CROCC2: variants seen among roughly 807,000 people sequenced by gnomAD.
The protein encoded by CROCC2 is ciliary rootlet coiled-coil protein 2.
In CROCC2, 163 loss-of-function variants were observed where a neutral mutation model predicts 177.6. That is an observed-to-expected ratio of 0.92 (90% confidence interval 0.81 to 1.05). The LOEUF is 1.05. Ranked by LOEUF, CROCC2 falls within the 50% of genes least tolerant of loss-of-function variation. The pLI is 0.00. For synonymous variants in CROCC2, 904 were observed against 787.3 expected (o/e 1.15, Z -2.48); for missense variants, 1,929 against 1,797.8 (o/e 1.07, Z -1.32).
chr2:240,926,104 G>A (rs948527097), intron 5 of CROCC2, among the ~76,000 whole-genome samples: 5 of 152,204 alleles, frequency 3.3e-5, no homozygotes, highest in African/African-American at 4.8e-5. Flanking sequence ...ACCCGGAGAA[G>A]GAGGGCAGGG....
At chr2:240,957,869 T>A (rs2106474599) in intron 19 of CROCC2, 1 of 611,554 alleles carries the variant, frequency 1.6e-6, no homozygotes. Flanking sequence ...TCCCGACCAC[T>A]GGCCCAGCAG....
In CROCC2 at chr2:240,965,440, G is replaced by C. The variant is rs960259049; in HGVS notation, c.3525G>C (p.Ala1175=). ...GTGGAGAGGCCCATGAGCTGCAGGC[G>C]CAGTGCTCGCAGGAGGTGCTGGAGC... The part of the protein sequence containing the change: ...RRSGEAHELQ[A]QCSQEVLELR... Residue 1175 remains alanine (A), a synonymous_variant, in exon 23 of 32, where the codon GCG becomes GCC. Coordinates refer to ENST00000690015, the MANE Select transcript of CROCC2 (RefSeq NM_001351305.2). The C allele has an allele frequency of 1.3e-6, 2 of 1,549,880 alleles. No individual in the cohort carries two copies. The highest frequency in any genetic ancestry group is 1.2e-5 in the South Asian group (1 of 84,018).
In CROCC2 at chr2:240,989,723, G is replaced by A. The variant is rs2059864646; in HGVS notation, c.4753G>A (p.Asp1585Asn). ...LQDLTAQHQR[D>N]LATEAERLHG... Reference sequence around the variant, plus strand: ...GGACCTGACAGCTCAGCACCAGCGGGACCTGGCCACAGAGGCAGAGCGTCT... The same window carrying A: ...GGACCTGACAGCTCAGCACCAGCGGAACCTGGCCACAGAGGCAGAGCGTCT... Residue 1585 changes from aspartate (D) to asparagine (N), a missense_variant, in exon 30 of 32, where the codon GAC becomes AAC. This residue lies in a region of CROCC2 where 388 missense variants were observed against 352.7 expected (regional missense o/e 1.10). Transcript: ENST00000690015. The A allele has an allele frequency of 1.9e-6, 3 of 1,550,438 alleles. No homozygotes were observed. The highest frequency in any genetic ancestry group is 1.4e-5 in the African/African-American group (1 of 73,196).
chr2:240,930,345 C>T (rs947758078), intron 6 of CROCC2, 76 bp downstream of exon 6: 8 of 456,808 alleles, frequency 1.8e-5, no homozygotes, highest in African/African-American at 1.2e-4. Context: ...AGGGGGAAAT[C>T]GGTGCCCAGG....
rs1466534850 is a variant in CROCC2 at position 240,931,033 on chromosome 2, G to A, written c.852G>A (p.Thr284=). 7 of 716,562 alleles carry A rather than the reference G, an allele frequency of 9.8e-6. No homozygotes were observed. The highest frequency in any genetic ancestry group is 3.5e-5 in the African/African-American group (2 of 57,250). 44.4% of individuals were successfully genotyped at this position (716,562 alleles called of 1,614,324 possible). A position where few individuals can be genotyped will look rare whatever the true frequency, so the allele number is the denominator to read the frequency against. ...DSNLRLSASS[T]ASTLGQQLRD... is the part of the protein sequence containing the mutation. ...ACCTGCGGCTGTCGGCCAGCAGCAC[G>A]GCCAGCACCCTGGGGCAGCAGCTTC... Residue 284 remains threonine, a synonymous_variant, in exon 7 of 32, where the codon ACG becomes ACA. Coordinates refer to ENST00000690015, the MANE Select transcript of CROCC2 (RefSeq NM_001351305.2).
At position 240,932,618 on chromosome 2, in the gene CROCC2, C is replaced by T. The variant is rs891029156; in HGVS notation, c.1045-84C>T. On this transcript the variant is annotated intron_variant, in intron 8 of 31. Transcript: ENST00000690015. ...CAAAGGTGGAGGTAGCCCGCAGGGA[C>T]CCTCAGGACTGTCTGCGCGGTCCCC... 10 of 710,550 alleles carry T rather than the reference C, an allele frequency of 1.4e-5. No individual in the cohort carries two copies. In the African/African-American group the frequency reaches 1.8e-4, roughly 12 times the overall value. 44.0% of individuals were successfully genotyped at this position (710,550 alleles called of 1,614,324 possible).
At chr2:240,992,611 G>C (rs1277904052) in intron 31 of CROCC2, among the ~76,000 whole-genome samples, 1 of 152,246 alleles carries the variant, frequency 6.6e-6, no homozygotes, top group African/African-American at 2.4e-5. Flanking sequence ...GGGCTCTGAG[G>C]GGAAGAGCTT....
At chr2:240,989,897 G>A (rs746765439) in intron 30 of CROCC2, 64 bp downstream of exon 30, 183 of 1,439,214 alleles carry the variant, frequency 1.3e-4, no homozygotes, top group Non-Finnish European at 1.5e-4. Flanking sequence ...TGGCATCCCC[G>A]CAGTCACCCA....
At chr2:240,909,981 G>C (rs1005637123) in intron 1 of CROCC2, among the ~76,000 whole-genome samples, 10 of 152,062 alleles carry the variant, frequency 6.6e-5, no homozygotes, top group Admixed American at 2.6e-4. Flanking sequence ...GACGGATGGC[G>C]AACATGCTCC....
chr2:240,952,382 T>C (rs4464265), intron 18 of CROCC2, among the ~76,000 whole-genome samples: 86,082 of 150,350 alleles, frequency 0.57, 25,125 homozygotes, highest in Non-Finnish European at 0.63. Flanking sequence ...CCAAGATTTA[T>C]TGTCAAACTC....
At chr2:240,957,981 G>T in intron 19 of CROCC2, 1 of 985,390 alleles carries the variant, frequency 1.0e-6, no homozygotes, top group Non-Finnish European at 1.2e-6. Context: ...TGGAGCCAGT[G>T]CTGGCTTCTG....
At chr2:240,986,003 G>A in intron 28 of CROCC2, 1 of 455,786 alleles carries the variant, frequency 2.2e-6, no homozygotes, top group Non-Finnish European at 4.4e-6. Context: ...GGCCTCTCAA[G>A]CTGTCTGCAC....
Position 240,946,047 on chromosome 2 carries a change from C to A in CROCC2, c.2170-13C>A. On this transcript the variant is annotated splice_polypyrimidine_tract_variant and intron_variant, in intron 14 of 31. Coordinates refer to ENST00000690015, the MANE Select transcript of CROCC2 (RefSeq NM_001351305.2). ...TCTTTCTCTGCCGACTGTCCCCTCCCCACCTCCCCTAGGTCACATGCCAGA... is the reference window on the plus strand; with the variant it reads ...TCTTTCTCTGCCGACTGTCCCCTCCACACCTCCCCTAGGTCACATGCCAGA... 6.7e-7 allele frequency: 1 copy of A among 1,485,558 alleles called. No homozygotes were observed. The highest frequency in any genetic ancestry group is 9.1e-7 in the Non-Finnish European group (1 of 1,103,244). 92.0% of individuals were successfully genotyped at this position (1,485,558 alleles called of 1,614,324 possible).
At chr2:240,928,696 C>A (rs917096751) in intron 5 of CROCC2, among the ~76,000 whole-genome samples, 3 of 152,212 alleles carry the variant, frequency 2.0e-5, no homozygotes, top group African/African-American at 7.2e-5. Context: ...AGCGTCTACC[C>A]CGTACAGCAG....
At position 240,961,638 on chromosome 2, in the gene CROCC2, TCA is replaced by T. The variant is rs773502601; in HGVS notation, c.3088-1912_3088-1911del. ...CACTCATGACACATGCACACGCTCA[TCA>T]CACACGCTCATCACACACACGTACA... On this transcript the variant is annotated intron_variant, in intron 20 of 31. Coordinates refer to ENST00000690015, the MANE Select transcript of CROCC2 (RefSeq NM_001351305.2). 9.9e-4 allele frequency among the ~76,000 whole-genome samples: 116 copies of T among 117,450 alleles called. 1 individual carries two copies. The highest frequency in any genetic ancestry group is 1.4e-3 in the South Asian group (5 of 3,534). The allele number at this position is 117,450 out of a possible 152,430, so 77.1% of individuals were successfully genotyped here. A position where few individuals can be genotyped will look rare whatever the true frequency, so the allele number is the denominator to read the frequency against.
chr2:240,982,629 G>C lies in CROCC2; in HGVS notation c.4402-251G>C, dbSNP rs985223110. 11 of 387,900 alleles carry C rather than the reference G, an allele frequency of 2.8e-5. No individual in the cohort carries two copies. Among genetic ancestry groups the C allele is most frequent in the Non-Finnish European group, 5.0e-5 (11 of 218,012 alleles). The allele number at this position is 387,900 out of a possible 1,614,324, so 24.0% of individuals were successfully genotyped here. On this transcript the variant is annotated intron_variant, in intron 27 of 31. Coordinates refer to ENST00000690015, the MANE Select transcript of CROCC2 (RefSeq NM_001351305.2). This position sits in a 1 kb window ranked among gnomAD's most constrained non-coding sequence, Gnocchi z 4.7. ...GAGAACCTGCCAAGCCCAAGTCTTT[G>C]CCCACGCTAGACCAGACCCCCAGGA...
chr2:240,960,503 A>C lies in CROCC2; in HGVS notation c.3087+1059A>C, dbSNP rs2059624320. ...GGCATTTCTGAGGGGGGTTGGCAGG[A>C]CGGGGGGACGCCTGTGTGTGGCAAG... On this transcript the variant is annotated intron_variant, in intron 20 of 31. Transcript: ENST00000690015. This position sits in a 1 kb window ranked among gnomAD's most constrained non-coding sequence, Gnocchi z 5.0. Among the ~76,000 whole-genome samples, 1 of 142,030 alleles carries C rather than the reference A, an allele frequency of 7.0e-6. No individual in the cohort carries two copies. Among genetic ancestry groups the C allele is most frequent in the South Asian group, 2.6e-4 (1 of 3,886 alleles). The allele number at this position is 142,030 out of a possible 152,430, so 93.2% of individuals were successfully genotyped here. A position where few individuals can be genotyped will look rare whatever the true frequency, so the allele number is the denominator to read the frequency against.
chr2:240,934,110 C>T (rs1335536481), intron 11 of CROCC2, among the ~76,000 whole-genome samples: 3 of 152,190 alleles, frequency 2.0e-5, no homozygotes, highest in East Asian at 1.9e-4. Context: ...ATGTGGGGCC[C>T]CACCCCTCCC....
intron 25 of CROCC2, 41 bp from the exon 26 acceptor site, chr2:240,967,304 C>T (rs2059690069): frequency 1.6e-6 from 1 of 636,960 alleles, no homozygotes; most frequent in Non-Finnish European, 2.9e-6. Context: ...CCTCCACCCG[C>T]CCATTGGACT....
Sources: gnomAD v4.1 joint callset for allele counts (sites outside exome capture counted in the v4.1 genomes callset) on GRCh38, gnomAD v4.1.1 for gene constraint, gnomAD v4.1.1 regional missense constraint, Gnocchi (gnomAD v3.1) non-coding constraint, MANE v1.5 for transcripts, NCBI Gene and HGNC (gene_info 2026-07-23, HGNC 2026-07-21) for gene names.